The following SESN3 variants were observed in gnomAD, a reference collection of about 807,000 sequenced individuals.
SESN3 encodes the protein sestrin 3, also known as sestrin-3.
A neutral mutation model predicts 55.3 loss-of-function variants in SESN3; 21 were observed. The ratio of observed to expected loss-of-function variants is 0.38; its 90% CI spans 0.27 to 0.55. The LOEUF is 0.55. SESN3 is among the 20% of genes least tolerant of loss of function. The probability of loss-of-function intolerance (pLI) is 0.76; values close to 1 mark genes in which losing one functional copy is unlikely to be tolerated. For synonymous variants in SESN3, 181 were observed against 203.1 expected, an observed-to-expected ratio of 0.89 and a Z score of 0.93; for missense variants, 408 against 604.3, an observed-to-expected ratio of 0.68 and a Z score of 3.41.
Position 95,167,176 on chromosome 11 carries a change from G to C in SESN3, c.*6079C>G, listed in dbSNP as rs1412930362. On this transcript the variant is annotated 3_prime_UTR_variant, in exon 10 of 10. Coordinates refer to ENST00000536441, the MANE Select transcript of SESN3 (RefSeq NM_144665.4). ...GTATGCACTTAACTAATCAGGATTTGTGAACAATATTTTAACACTATAGGC... is the reference window on the plus strand; with the variant it reads ...GTATGCACTTAACTAATCAGGATTTCTGAACAATATTTTAACACTATAGGC... 1.3e-5 allele frequency: 2 copies of C among 152,210 alleles called. No individual in the cohort carries two copies. The highest frequency in any genetic ancestry group is 4.1e-4 in the South Asian group (2 of 4,828). 9.4% of individuals were successfully genotyped at this position (152,210 alleles called of 1,614,324 possible). A position where few individuals can be genotyped will look rare whatever the true frequency, so the allele number is the denominator to read the frequency against.
intron 1 of SESN3, among the ~76,000 whole-genome samples, chr11:95,217,121 A>G (rs942311463): frequency 6.6e-6 from 1 of 151,656 alleles, no homozygotes; most frequent in Non-Finnish European, 1.5e-5. Context: ...AAAAAAAAAA[A>G]GTAAAATATT....
chr11:95,198,372 G>A (rs1209177924), intron 1 of SESN3, among the ~76,000 whole-genome samples: 8 of 147,066 alleles, frequency 5.4e-5, no homozygotes, highest in African/African-American at 1.5e-4. Flanking sequence ...AACCCAAAAC[G>A]AAAACAGCTA....
chr11:95,218,310 A>T (rs1860797173), intron 1 of SESN3, among the ~76,000 whole-genome samples: 1 of 152,254 alleles, frequency 6.6e-6, no homozygotes, highest in African/African-American at 2.4e-5. Context: ...ACTGGGAGGC[A>T]TAACCTTGAA....
intron 2 of SESN3, among the ~76,000 whole-genome samples, chr11:95,192,717 G>A (rs1177547087): frequency 6.6e-6 from 1 of 152,108 alleles, no homozygotes; most frequent in Non-Finnish European, 1.5e-5. Context: ...TAAATTGTGA[G>A]GAAATGTTAA....
At chr11:95,228,461 T>C (rs1020976729) in intron 1 of SESN3, among the ~76,000 whole-genome samples, 1 of 152,192 alleles carries the variant, frequency 6.6e-6, no homozygotes, top group Non-Finnish European at 1.5e-5. Context: ...CTTTATTAAA[T>C]GGAAAACAAG....
chr11:95,192,469 G>A (rs531986795), intron 2 of SESN3, among the ~76,000 whole-genome samples: 15 of 152,024 alleles, frequency 9.9e-5, no homozygotes, highest in Non-Finnish European at 2.1e-4. Context: ...TTAGAGATAA[G>A]GAAACAGATT....
At chr11:95,216,479 G>C (rs929807006) in intron 1 of SESN3, among the ~76,000 whole-genome samples, 1 of 152,136 alleles carries the variant, frequency 6.6e-6, no homozygotes, top group Non-Finnish European at 1.5e-5. Context: ...TCAAATTTTA[G>C]TAGCACTCTA....
intron 6 of SESN3, 45 bp downstream of exon 6, chr11:95,184,375 A>T (rs1465024532): frequency 6.4e-7 from 1 of 1,550,496 alleles, no homozygotes; most frequent in Admixed American, 1.7e-5. Context: ...TTGCCCTGTC[A>T]GGGTTCTAAG....
rs1377071782 is a variant in SESN3, at chr11:95,169,939, T to C, written c.*3316A>G. ...ATAAAACTTATATTGAGTTTTCTGT[T>C]GTAAAAACAGCCCTGTGTTTCTCTG... is the stretch of plus-strand genomic sequence containing the variant. On this transcript the variant is annotated 3_prime_UTR_variant, in exon 10 of 10. Transcript: ENST00000536441. 6.6e-6 allele frequency: 1 copy of C among 152,318 alleles called. No homozygotes were observed. The highest frequency in any genetic ancestry group is 6.5e-5 in the Admixed American group (1 of 15,294). The allele number at this position is 152,318 out of a possible 1,614,324, so 9.4% of individuals were successfully genotyped here.
intron 1 of SESN3, among the ~76,000 whole-genome samples, chr11:95,229,068 C>T (rs1254514167): frequency 6.6e-6 from 1 of 152,174 alleles, no homozygotes; most frequent in Non-Finnish European, 1.5e-5. Context: ...AAAGTCAATA[C>T]AGTGCTCTTT....
intron 1 of SESN3, among the ~76,000 whole-genome samples, chr11:95,199,350 G>A (rs542011665): frequency 6.6e-6 from 1 of 152,120 alleles, no homozygotes; most frequent in Non-Finnish European, 1.5e-5. Flanking sequence ...TATTTTTACA[G>A]ATACCTCATT....
intron 1 of SESN3, among the ~76,000 whole-genome samples, chr11:95,214,289 A>AT (rs910352407): frequency 2.0e-5 from 3 of 152,242 alleles, no homozygotes; most frequent in Admixed American, 6.5e-5. Context: ...TGTTATTCAC[A>AT]TAAGTAACAT....
chr11:95,204,763 A>G (rs540443472), intron 1 of SESN3: 1 of 152,206 alleles, frequency 6.6e-6, no homozygotes, highest in Non-Finnish European at 1.5e-5. Context: ...TGAGAAATAA[A>G]TATTCATTGT....
intron 1 of SESN3, among the ~76,000 whole-genome samples, chr11:95,202,348 G>A (rs1860474381): frequency 6.6e-6 from 1 of 152,082 alleles, no homozygotes; most frequent in East Asian, 1.9e-4. Context: ...TGGATTTAAG[G>A]AAATTAATGT....
intron 6 of SESN3, among the ~76,000 whole-genome samples, chr11:95,179,125 G>C (rs1445414606): frequency 6.6e-6 from 1 of 151,176 alleles, no homozygotes; most frequent in Admixed American, 6.6e-5. Context: ...AGGAATGGAA[G>C]ATAGCATAGG....
chr11:95,216,864 T>C (rs1860767857), intron 1 of SESN3, among the ~76,000 whole-genome samples: 1 of 151,898 alleles, frequency 6.6e-6, no homozygotes, highest in Admixed American at 6.6e-5. Flanking sequence ...TCCCAGCACT[T>C]TGGGAGGCTG....
chr11:95,214,024 T>G (rs1480378025), intron 1 of SESN3, among the ~76,000 whole-genome samples: 2 of 152,238 alleles, frequency 1.3e-5, no homozygotes, highest in Non-Finnish European at 2.9e-5. Context: ...TTTGCCATAC[T>G]GCTATTTTAG....
intron 1 of SESN3, among the ~76,000 whole-genome samples, chr11:95,213,113 T>A (rs1201543922): frequency 6.6e-6 from 1 of 151,846 alleles, no homozygotes; most frequent in Non-Finnish European, 1.5e-5. Flanking sequence ...TATCTTTTTT[T>A]AAATGAAAAC....
In SESN3 at chr11:95,230,984, G is replaced by A; in HGVS notation, c.-124C>T. The A allele has an allele frequency of 1.8e-6, 1 of 557,916 alleles. No homozygotes were observed. The highest frequency in any genetic ancestry group is 2.9e-6 in the Non-Finnish European group (1 of 346,312). The allele number at this position is 557,916 out of a possible 1,614,324, so 34.6% of individuals were successfully genotyped here. On this transcript the variant is annotated 5_prime_UTR_variant, in exon 1 of 10. Coordinates refer to ENST00000536441, the MANE Select transcript of SESN3 (RefSeq NM_144665.4). The surrounding 1 kb of genome is among the most constrained non-coding windows in gnomAD (Gnocchi z 4.6). Reference sequence around the variant, plus strand: ...GATTCCGCCTCAGCCTCCTCAAGGCGGGATGTCGGGAGGAGAGGCGACTGC... The same window carrying A: ...GATTCCGCCTCAGCCTCCTCAAGGCAGGATGTCGGGAGGAGAGGCGACTGC...
Sources: gnomAD v4.1 joint callset for allele counts (sites outside exome capture counted in the v4.1 genomes callset) on GRCh38, gnomAD v4.1.1 for gene constraint, Gnocchi (gnomAD v3.1) non-coding constraint, MANE v1.5 for transcripts, NCBI Gene and HGNC (gene_info 2026-07-23, HGNC 2026-07-21) for gene names.